ATRNL1: variants seen among roughly 807,000 people sequenced by gnomAD.
ATRNL1 encodes attractin-like protein 1.
A neutral mutation model predicts 182.7 loss-of-function variants in ATRNL1; 95 were observed. That is an observed-to-expected ratio of 0.52 (90% CI 0.44 to 0.62). The LOEUF (loss-of-function observed/expected upper bound fraction) is 0.62. Among genes scored for constraint, ATRNL1 ranks in the 20% least tolerant of loss-of-function variants. The probability of loss-of-function intolerance (pLI) is 0.00; values close to 1 mark genes in which losing one functional copy is unlikely to be tolerated. For missense variants in ATRNL1, 1,471 were observed against 1,679.5 expected, an observed-to-expected ratio of 0.88 and a Z score of 2.17; for synonymous variants, 576 against 568.3, an observed-to-expected ratio of 1.01 and a Z score of -0.19.
At chr10:115,543,633 T>A (rs546808084) in intron 25 of ATRNL1, among the ~76,000 whole-genome samples, 1 of 152,264 alleles carries the variant, frequency 6.6e-6, no homozygotes, top group African/African-American at 2.4e-5. Flanking sequence ...GCCAACTAGA[T>A]TACCACCAGA....
At chr10:115,245,289 G>A (rs1850580231) in intron 10 of ATRNL1, among the ~76,000 whole-genome samples, 4 of 151,788 alleles carry the variant, frequency 2.6e-5, no homozygotes, top group Admixed American at 2.6e-4. Context: ...ACCTGAGGTC[G>A]AGAGTTTGAG....
intron 28 of ATRNL1, among the ~76,000 whole-genome samples, chr10:115,930,490 C>T (rs1565496294): frequency 6.6e-6 from 1 of 152,108 alleles, no homozygotes; most frequent in Non-Finnish European, 1.5e-5. Context: ...AACAGCCAGG[C>T]AATTCAGCCA....
chr10:115,571,902 G>C (rs1391413946), intron 26 of ATRNL1, among the ~76,000 whole-genome samples: 4 of 151,766 alleles, frequency 2.6e-5, no homozygotes, highest in Non-Finnish European at 4.4e-5. Context: ...TGTCTTTAGG[G>C]AATTTAAAAA....
At chr10:115,691,636 G>A (rs576434150) in intron 26 of ATRNL1, among the ~76,000 whole-genome samples, 1 of 152,208 alleles carries the variant, frequency 6.6e-6, no homozygotes, top group African/African-American at 2.4e-5. Flanking sequence ...TTGAGAGGAT[G>A]GCTTGAGCCC....
intron 28 of ATRNL1, among the ~76,000 whole-genome samples, chr10:115,852,429 G>T (rs1407714114): frequency 1.3e-5 from 2 of 152,110 alleles, no homozygotes; most frequent in African/African-American, 2.4e-5. Flanking sequence ...GATAACTTTG[G>T]TTTAATTTAA....
In ATRNL1 at chr10:115,769,069, C is replaced by T. The variant is rs114994682; in HGVS notation, c.3903+41714C>T. On this transcript the variant is annotated intron_variant, in intron 27 of 28. Coordinates refer to ENST00000355044, the MANE Select transcript of ATRNL1 (RefSeq NM_207303.4). ...ATGAAAACAATAAAAAAGGAATTAA[C>T]CAAAGTGGCACATTGCCAATCATAA... Among the ~76,000 whole-genome samples, 1,516 of 152,106 alleles carry T rather than the reference C, an allele frequency of 1.0e-2. 14 individuals are homozygous for T. Among genetic ancestry groups the T allele is most frequent in the African/African-American group, 0.033 (1,350 of 41,514 alleles).
intron 10 of ATRNL1, among the ~76,000 whole-genome samples, chr10:115,245,455 C>T (rs1346479632): frequency 4.4e-5 from 6 of 137,644 alleles, no homozygotes; most frequent in South Asian, 2.3e-4. Context: ...GCCGAGATTG[C>T]GCCATTGCAC....
intron 26 of ATRNL1, among the ~76,000 whole-genome samples, chr10:115,589,400 A>G (rs1855771266): frequency 6.6e-6 from 1 of 152,140 alleles, no homozygotes; most frequent in South Asian, 2.1e-4. Flanking sequence ...TTATTTTACA[A>G]TTATCCTTCC....
intron 5 of ATRNL1, among the ~76,000 whole-genome samples, chr10:115,144,795 G>C (rs1845904350): frequency 6.6e-6 from 1 of 152,084 alleles, no homozygotes; most frequent in South Asian, 2.1e-4. Context: ...GTGTCTTGCT[G>C]TTTATGCTTG....
At chr10:115,470,713 G>C (rs1023129476) in intron 24 of ATRNL1, among the ~76,000 whole-genome samples, 9 of 150,222 alleles carry the variant, frequency 6.0e-5, no homozygotes, top group Non-Finnish European at 1.3e-4. Flanking sequence ...TACTCTTTTG[G>C]AAGCAAAATC....
chr10:115,504,882 A>G lies in ATRNL1; in HGVS notation c.3655-14381A>G, dbSNP rs370262580. On this transcript the variant is annotated intron_variant, in intron 24 of 28. Transcript: ENST00000355044. ...ACAAAAATACATAGATGTATTAGGC[A>G]TGCCTATAGAAGTACATCTTTAGAT... 1.2e-4 allele frequency among the ~76,000 whole-genome samples: 19 copies of G among 152,192 alleles called. 1 individual carries two copies. In the South Asian group the frequency reaches 3.9e-3, roughly 32 times the overall value.
At chr10:115,216,333 T>A (rs1368074480) in intron 9 of ATRNL1, among the ~76,000 whole-genome samples, 1 of 152,228 alleles carries the variant, frequency 6.6e-6, no homozygotes, top group Non-Finnish European at 1.5e-5. Context: ...GTTGCCGAAG[T>A]GCTTTTCAAG....
chr10:115,739,998 C>T (rs1334549204), intron 27 of ATRNL1, among the ~76,000 whole-genome samples: 3 of 152,068 alleles, frequency 2.0e-5, no homozygotes, highest in African/African-American at 7.2e-5. Context: ...CTGTAAGAAT[C>T]CTTAAAATGC....
In ATRNL1 at chr10:115,881,301, G is replaced by A. The variant is rs185987127; in HGVS notation, c.4018+33310G>A. On this transcript the variant is annotated intron_variant, in intron 28 of 28. Transcript: ENST00000355044. ...CAGAGTTTATGGCTTGGCACAGAGT[G>A]GAATCTGCATTTCAGCCGGTGCCCA... is the stretch of plus-strand genomic sequence containing the variant. Among the ~76,000 whole-genome samples the A allele has an allele frequency of 7.2e-4, 110 of 152,286 alleles. 1 individual carries two copies. The highest frequency in any genetic ancestry group is 2.6e-3 in the African/African-American group (107 of 41,560).
chr10:115,187,397 C>T (rs1264764), intron 8 of ATRNL1, among the ~76,000 whole-genome samples: 109,146 of 151,898 alleles, frequency 0.72, 40,240 homozygotes, highest in African/African-American at 0.81. Context: ...CAGAGAAAGG[C>T]TGAAAAATTG....
chr10:115,430,741 G>T (rs1395010102), intron 21 of ATRNL1, among the ~76,000 whole-genome samples: 5 of 151,260 alleles, frequency 3.3e-5, no homozygotes, highest in Non-Finnish European at 7.4e-5. Context: ...TTTTGTTAAG[G>T]TATTTTTGCC....
chr10:115,343,708 G>A (rs1416918214), intron 19 of ATRNL1, among the ~76,000 whole-genome samples: 1 of 152,022 alleles, frequency 6.6e-6, no homozygotes, highest in African/African-American at 2.4e-5. Flanking sequence ...CATTATCTGG[G>A]CATTGATCAG....
chr10:115,246,333 G>T (rs1419381312), intron 10 of ATRNL1, among the ~76,000 whole-genome samples: 1 of 151,878 alleles, frequency 6.6e-6, no homozygotes, highest in Non-Finnish European at 1.5e-5. Context: ...ATTTTTCCTG[G>T]TTTAACAGGA....
rs185448318 is a variant in ATRNL1 at position 115,304,315 on chromosome 10, C to T, written c.2818+2272C>T. ...ATTTATTTTCTGCCCGTCCACTCTT[C>T]CTTCCCTCCTTTGAGCTTTCTTGTT... is the stretch of plus-strand genomic sequence containing the variant. On this transcript the variant is annotated intron_variant, in intron 17 of 28. Coordinates refer to ENST00000355044, the MANE Select transcript of ATRNL1 (RefSeq NM_207303.4). Among the ~76,000 whole-genome samples, 4 of 152,312 alleles carry T rather than the reference C, an allele frequency of 2.6e-5. No individual in the cohort carries two copies. The East Asian group carries it at 7.7e-4, about 29-fold the overall frequency.
Sources: allele counts gnomAD v4.1 joint callset (sites outside exome capture counted in the v4.1 genomes callset), GRCh38; gene constraint gnomAD v4.1.1; transcripts MANE v1.5; gene names NCBI Gene and HGNC (gene_info 2026-07-23, HGNC 2026-07-21).